The following BAZ1A variants were observed in gnomAD, a reference collection of about 807,000 sequenced individuals.
BAZ1A encodes the protein bromodomain adjacent to zinc finger domain 1A.
In BAZ1A, 50 loss-of-function variants were observed where a neutral mutation model predicts 185.2. The ratio of observed to expected loss-of-function variants is 0.27; its 90% CI spans 0.22 to 0.34. The LOEUF (loss-of-function observed/expected upper bound fraction) is 0.34, where lower values mean the gene tolerates loss of function less well. Among genes scored for constraint, BAZ1A ranks in the 10% least tolerant of loss-of-function variants. The pLI is 1.00. For synonymous variants in BAZ1A, 571 were observed against 615.6 expected, an observed-to-expected ratio of 0.93 and a Z score of 1.07; for missense variants, 1,356 against 1,839.9, an observed-to-expected ratio of 0.74 and a Z score of 4.81.
At position 34,757,752 on chromosome 14, in the gene BAZ1A, T is replaced by G. The variant is rs112217399; in HGVS notation, c.4386+952A>C. Among the ~76,000 whole-genome samples, 11 of 150,652 alleles carry G rather than the reference T, an allele frequency of 7.3e-5. No homozygotes were observed. The South Asian group carries it at 8.4e-4, about 12-fold the overall frequency. On this transcript the variant is annotated intron_variant, in intron 25 of 26. Transcript: ENST00000360310. ...TAACTCTATTGTTTTCTTTTTTTTT[T>G]TTTTGAGATGGAGTTTCACTCTTGT...
At chr14:34,760,094 G>A (rs2138538639) in intron 24 of BAZ1A, among the ~76,000 whole-genome samples, 1 of 152,310 alleles carries the variant, frequency 6.6e-6, no homozygotes, top group Non-Finnish European at 1.5e-5. Context: ...GGGTAGTATA[G>A]TCCATATATG....
At chr14:34,837,176 A>G (rs1339429685) in intron 3 of BAZ1A, among the ~76,000 whole-genome samples, 6 of 151,944 alleles carry the variant, frequency 3.9e-5, no homozygotes, top group Non-Finnish European at 5.9e-5. Flanking sequence ...TAAATATCAC[A>G]AGATGATAAT....
rs1057335359 is a variant in BAZ1A, at chr14:34,765,122, G to A, written c.3448C>T (p.Arg1150Cys). The A allele has an allele frequency of 7.4e-6, 12 of 1,614,056 alleles. No homozygotes were observed. The Middle Eastern group carries it at 4.9e-4, about 67-fold the overall frequency. ...VIWSKSILNA[R>C]CKICRKKGDA... Reference sequence around the variant, plus strand: ...CCTTTCTTTCGACATATCTTGCAACGCGCATTCAGTATAGATTTAGACCAT... The same window carrying A: ...CCTTTCTTTCGACATATCTTGCAACACGCATTCAGTATAGATTTAGACCAT... Residue 1150 changes from arginine to cysteine, a missense_variant, in exon 22 of 27, where the codon CGT becomes TGT. By Grantham distance (180) the Arg-to-Cys change is radical. This residue lies in a region of BAZ1A where 309 missense variants were observed against 355.3 expected (regional missense o/e 0.87). Transcript: ENST00000360310.
chr14:34,787,177 AC>A (rs1880515817), intron 12 of BAZ1A, among the ~76,000 whole-genome samples: 1 of 148,956 alleles, frequency 6.7e-6, no homozygotes, highest in African/African-American at 2.5e-5. Context: ...ACATGGTGAA[AC>A]CCCGTCTCTA....
rs1038114017 is a variant in BAZ1A at position 34,828,836 on chromosome 14, C to G, written c.393-2680G>C. 4 of 152,100 alleles carry G rather than the reference C, an allele frequency of 2.6e-5. No homozygotes were observed. In the South Asian group the frequency reaches 6.2e-4, roughly 24 times the overall value. The allele number at this position is 152,100 out of a possible 1,614,324, so 9.4% of individuals were successfully genotyped here. A position where few individuals can be genotyped will look rare whatever the true frequency, so the allele number is the denominator to read the frequency against. On this transcript the variant is annotated intron_variant, in intron 3 of 26. Transcript: ENST00000360310. Reference sequence around the variant, plus strand: ...CATTCCCTAGAGGGACCTGGCATTGCGGAAGCCAAAGTAGATTCCAAGAAC... The same window carrying G: ...CATTCCCTAGAGGGACCTGGCATTGGGGAAGCCAAAGTAGATTCCAAGAAC...
intron 3 of BAZ1A, among the ~76,000 whole-genome samples, chr14:34,856,103 A>G (rs892580825): frequency 2.6e-5 from 4 of 152,186 alleles, no homozygotes; most frequent in African/African-American, 9.7e-5. Flanking sequence ...CAAGCAAGCT[A>G]AACACTGAGA....
At chr14:34,789,358 A>G (rs1237743351) in intron 12 of BAZ1A, among the ~76,000 whole-genome samples, 1 of 152,256 alleles carries the variant, frequency 6.6e-6, no homozygotes, top group Non-Finnish European at 1.5e-5. Context: ...TGTGTTAAAT[A>G]AAGTAATATG....
chr14:34,840,930 T>C lies in BAZ1A; in HGVS notation c.393-14774A>G, dbSNP rs538197023. Among the ~76,000 whole-genome samples the C allele has an allele frequency of 1.2e-4, 18 of 150,234 alleles. No individual in the cohort carries two copies. The South Asian group carries it at 3.6e-3, about 30-fold the overall frequency. On this transcript the variant is annotated intron_variant, in intron 3 of 26. Coordinates refer to ENST00000360310, the MANE Select transcript of BAZ1A (RefSeq NM_013448.3). Reference sequence around the variant, plus strand: ...TTTGTTTGTTTAACCATCCTTAGGGTACATTTATAACAACAAAATCAATAT... The same window carrying C: ...TTTGTTTGTTTAACCATCCTTAGGGCACATTTATAACAACAAAATCAATAT...
At chr14:34,791,927 C>T (rs902262902) in intron 12 of BAZ1A, among the ~76,000 whole-genome samples, 1 of 152,174 alleles carries the variant, frequency 6.6e-6, no homozygotes. Context: ...TACATTAACA[C>T]GTACCATACA....
At chr14:34,768,228 T>C (rs1050747801) in intron 21 of BAZ1A, among the ~76,000 whole-genome samples, 3 of 152,148 alleles carry the variant, frequency 2.0e-5, no homozygotes, top group Non-Finnish European at 2.9e-5. Context: ...TCAAATATTA[T>C]AGTGGGAGAC....
At chr14:34,778,829 T>G (rs1594829189) in intron 17 of BAZ1A, among the ~76,000 whole-genome samples, 1 of 152,200 alleles carries the variant, frequency 6.6e-6, no homozygotes, top group Non-Finnish European at 1.5e-5. Context: ...AACACACTTT[T>G]GGATTTGTTG....
chr14:34,862,049 A>C lies in BAZ1A; in HGVS notation c.387T>G (p.Gly129=). Reference sequence around the variant, plus strand: ...AAAAATTAAAAGTACTTTACCTTGCACCATTGTTCCTAATGACTTCCACAG... The same window carrying C: ...AAAAATTAAAAGTACTTTACCTTGCCCCATTGTTCCTAATGACTTCCACAG... ...EETVEVIRNN[G]ARLQCRILEV... is the part of the protein sequence containing the mutation. The change falls in exon 3 of 27, where the codon GGT becomes GGG. Residue 129 remains glycine (G), a synonymous_variant. Coordinates refer to ENST00000360310, the MANE Select transcript of BAZ1A (RefSeq NM_013448.3). 6.2e-7 allele frequency: 1 copy of C among 1,613,566 alleles called. No homozygotes were observed. Among genetic ancestry groups the C allele is most frequent in the East Asian group, 2.2e-5 (1 of 44,882 alleles).
At chr14:34,765,385 C>T (rs1878772584) in intron 21 of BAZ1A, 117 bp from the exon 22 acceptor site, 3 of 1,290,988 alleles carry the variant, frequency 2.3e-6, no homozygotes, top group Non-Finnish European at 3.1e-6. Flanking sequence ...TCTTCTGATA[C>T]TTAACAAAAA....
At position 34,752,812 on chromosome 14, in the gene BAZ1A, G is replaced by A. The variant is rs1251553346; in HGVS notation, c.*696C>T. 1 of 152,132 alleles carries A rather than the reference G, an allele frequency of 6.6e-6. No individual in the cohort carries two copies. Among genetic ancestry groups the A allele is most frequent in the Non-Finnish European group, 1.5e-5 (1 of 68,010 alleles). 9.4% of individuals were successfully genotyped at this position (152,132 alleles called of 1,614,324 possible). A position where few individuals can be genotyped will look rare whatever the true frequency, so the allele number is the denominator to read the frequency against. On this transcript the variant is annotated 3_prime_UTR_variant, in exon 27 of 27. Transcript: ENST00000360310. ...ATAATACAGTTCTGTAAAGCTGAAA[G>A]AACTGTCAGGAAAAAGGGAGGGTGT...
Position 34,839,504 on chromosome 14 carries a change from A to G in BAZ1A, c.393-13348T>C, listed in dbSNP as rs554457642. Reference sequence around the variant, plus strand: ...AAGTGAGCTGAGATCACATCACTACACTCCAGCCTGGGCGACTAAGCCAGA... The same window carrying G: ...AAGTGAGCTGAGATCACATCACTACGCTCCAGCCTGGGCGACTAAGCCAGA... On this transcript the variant is annotated intron_variant, in intron 3 of 26. Transcript: ENST00000360310. 1.0e-3 allele frequency among the ~76,000 whole-genome samples: 144 copies of G among 143,448 alleles called. 1 individual carries two copies. Among genetic ancestry groups the G allele is most frequent in the African/African-American group, 3.5e-3 (136 of 38,494 alleles). 94.1% of individuals were successfully genotyped at this position (143,448 alleles called of 152,430 possible).
Position 34,861,091 on chromosome 14 carries a change from A to G in BAZ1A, c.392+953T>C, listed in dbSNP as rs1356765600. ...AACTTATAATGATTCTTCAAATAAG[A>G]TAATAGTAACAACATAAATAACTTT... is the stretch of plus-strand genomic sequence containing the variant. On this transcript the variant is annotated intron_variant, in intron 3 of 26. Transcript: ENST00000360310. 3.3e-5 allele frequency among the ~76,000 whole-genome samples: 5 copies of G among 152,338 alleles called. No individual in the cohort carries two copies. In the East Asian group the frequency reaches 7.7e-4, roughly 23 times the overall value.
chr14:34,821,427 C>G (rs967912977), intron 4 of BAZ1A, among the ~76,000 whole-genome samples: 1 of 152,050 alleles, frequency 6.6e-6, no homozygotes, highest in African/African-American at 2.4e-5. Flanking sequence ...TTTAAACAAC[C>G]TACTAAAACA....
At chr14:34,784,383 A>C (rs1181670430) in intron 14 of BAZ1A, among the ~76,000 whole-genome samples, 4 of 150,648 alleles carry the variant, frequency 2.7e-5, no homozygotes, top group South Asian at 2.1e-4. Flanking sequence ...AAAAAAAAAA[A>C]AAAAAAAAAA....
chr14:34,761,653 A>G, intron 24 of BAZ1A, 104 bp downstream of exon 24: 2 of 1,002,858 alleles, frequency 2.0e-6, no homozygotes, highest in Non-Finnish European at 2.9e-6. Context: ...AACTTTGTGT[A>G]TCTTAGTGAC....
Sources: gnomAD v4.1 joint callset for allele counts (sites outside exome capture counted in the v4.1 genomes callset) on GRCh38, gnomAD v4.1.1 for gene constraint, gnomAD v4.1.1 regional missense constraint, MANE v1.5 for transcripts, NCBI Gene and HGNC (gene_info 2026-07-23, HGNC 2026-07-21) for gene names.